GRB2: variants seen among roughly 807,000 people sequenced by gnomAD.
The protein encoded by GRB2 is growth factor receptor bound protein 2, also known as growth factor receptor-bound protein 2.
Under a neutral mutation model 27.4 loss-of-function variants are expected in GRB2, and 2 were observed. The ratio of observed to expected loss-of-function variants is 0.07; its 90% CI spans 0.03 to 0.23. GRB2 has a LOEUF of 0.23. GRB2 is among the 10% of genes least tolerant of loss of function. The probability of loss-of-function intolerance (pLI) is 1.00; values close to 1 mark genes in which losing one functional copy is unlikely to be tolerated. For missense variants in GRB2, 102 were observed against 282.4 expected, an observed-to-expected ratio of 0.36 and a Z score of 4.58; for synonymous variants, 94 against 99.6, an observed-to-expected ratio of 0.94 and a Z score of 0.33.
At chr17:75,345,209 AT>A (rs1481829376) in intron 2 of GRB2, among the ~76,000 whole-genome samples, 1 of 151,358 alleles carries the variant, frequency 6.6e-6, no homozygotes, top group South Asian at 2.1e-4. Context: ...CGCCTGGCTA[AT>A]TTTTTTTGTA....
chr17:75,321,538 C>G, intron 5 of GRB2, 121 bp downstream of exon 5: 1 of 842,538 alleles, frequency 1.2e-6, no homozygotes, highest in Non-Finnish European at 1.9e-6. Flanking sequence ...CACAGAAGCC[C>G]CAGCGGCAAT....
intron 2 of GRB2, among the ~76,000 whole-genome samples, chr17:75,360,942 T>C (rs2078776984): frequency 7.0e-6 from 1 of 142,428 alleles, no homozygotes; most frequent in Non-Finnish European, 1.5e-5. Flanking sequence ...TAATTTTAAT[T>C]TTTTTTTTGG....
chr17:75,378,223 C>T (rs942103491), intron 2 of GRB2, among the ~76,000 whole-genome samples: 1 of 152,060 alleles, frequency 6.6e-6, no homozygotes, highest in Non-Finnish European at 1.5e-5. Context: ...AACACCGTCT[C>T]TACTAAAAAT....
intron 2 of GRB2, among the ~76,000 whole-genome samples, chr17:75,339,337 G>A (rs915056860): frequency 6.6e-6 from 1 of 151,696 alleles, no homozygotes; most frequent in Non-Finnish European, 1.5e-5. Flanking sequence ...GGGACTACAG[G>A]CGCCCGCCAC....
At chr17:75,401,573 T>C (rs1027687591) in intron 1 of GRB2, among the ~76,000 whole-genome samples, 2 of 152,272 alleles carry the variant, frequency 1.3e-5, no homozygotes, top group East Asian at 3.9e-4. Context: ...AATAGGCATG[T>C]GTTACTTTTG....
chr17:75,380,552 A>G (rs2078921477), intron 2 of GRB2, among the ~76,000 whole-genome samples: 1 of 152,194 alleles, frequency 6.6e-6, no homozygotes, highest in Non-Finnish European at 1.5e-5. Flanking sequence ...GCTTAAAGCT[A>G]AACATTTGCA....
intron 2 of GRB2, among the ~76,000 whole-genome samples, chr17:75,370,170 C>T (rs531107477): frequency 6.6e-6 from 1 of 152,288 alleles, no homozygotes; most frequent in Non-Finnish European, 1.5e-5. Flanking sequence ...ATTGATGCAA[C>T]GTTCAAGCTC....
intron 1 of GRB2, among the ~76,000 whole-genome samples, chr17:75,397,718 ATATC>A (rs2079037007): frequency 1.3e-5 from 2 of 152,212 alleles, no homozygotes; most frequent in South Asian, 4.1e-4. Flanking sequence ...TAAAATGAGA[ATATC>A]TACCTTATAA....
At chr17:75,373,632 T>C (rs1030427453) in intron 2 of GRB2, 1 of 152,166 alleles carries the variant, frequency 6.6e-6, no homozygotes, top group Non-Finnish European at 1.5e-5. Context: ...TAAGTCTGTT[T>C]CATTCAGAAC....
At chr17:75,327,825 A>G (rs1385629886) in intron 3 of GRB2, among the ~76,000 whole-genome samples, 2 of 152,150 alleles carry the variant, frequency 1.3e-5, no homozygotes, top group Non-Finnish European at 2.9e-5. Context: ...GTCAGCCTCT[A>G]GGGACTCTTA....
At chr17:75,388,481 G>T (rs145451667) in intron 2 of GRB2, among the ~76,000 whole-genome samples, 685 of 151,500 alleles carry the variant, frequency 4.5e-3, no homozygotes, top group African/African-American at 0.016. Flanking sequence ...CTTACCAAAA[G>T]GCAAAGGCTG....
chr17:75,327,500 A>G (rs1051601580), intron 3 of GRB2, among the ~76,000 whole-genome samples: 2 of 151,706 alleles, frequency 1.3e-5, no homozygotes, highest in Non-Finnish European at 2.9e-5. Context: ...CTTCCCTAGT[A>G]GCTGGGATTA....
chr17:75,344,836 C>G (rs1425121051), intron 2 of GRB2, among the ~76,000 whole-genome samples: 1 of 149,228 alleles, frequency 6.7e-6, no homozygotes, highest in Non-Finnish European at 1.5e-5. Flanking sequence ...GCCTCCCCAA[C>G]CCCCCACACC....
chr17:75,323,290 C>T (rs1241388932), intron 4 of GRB2, among the ~76,000 whole-genome samples: 1 of 151,960 alleles, frequency 6.6e-6, no homozygotes, highest in East Asian at 1.9e-4. Context: ...CAAGATGCCT[C>T]GCATTTGGAA....
intron 2 of GRB2, among the ~76,000 whole-genome samples, chr17:75,338,627 G>A (rs991638083): frequency 2.6e-5 from 4 of 152,198 alleles, no homozygotes; most frequent in Non-Finnish European, 4.4e-5. Context: ...TTGATCAAGA[G>A]ATGAGATTAT....
chr17:75,326,820 T>G (rs148732065), intron 3 of GRB2, among the ~76,000 whole-genome samples: 54 of 152,306 alleles, frequency 3.5e-4, no homozygotes, highest in African/African-American at 1.3e-3. Flanking sequence ...GAGGAACACT[T>G]CTACAAGAGC....
chr17:75,327,944 A>G (rs2078510878), intron 3 of GRB2, among the ~76,000 whole-genome samples: 1 of 152,160 alleles, frequency 6.6e-6, no homozygotes, highest in African/African-American at 2.4e-5. Flanking sequence ...GCTTCTACAA[A>G]TAACTCAAGG....
chr17:75,393,511 G>C, intron 2 of GRB2, 40 bp downstream of exon 2: 1 of 1,504,548 alleles, frequency 6.6e-7, no homozygotes, highest in Non-Finnish European at 9.3e-7. Flanking sequence ...GTGAGCACAG[G>C]GAGAGCGATC....
intron 2 of GRB2, among the ~76,000 whole-genome samples, chr17:75,360,679 G>A (rs1005984164): frequency 6.6e-6 from 1 of 152,236 alleles, no homozygotes; most frequent in African/African-American, 2.4e-5. Flanking sequence ...CATGGGCCCA[G>A]CTGCTCCTGC....
Sources: allele counts gnomAD v4.1 joint callset (sites outside exome capture counted in the v4.1 genomes callset), GRCh38; gene constraint gnomAD v4.1.1; transcripts MANE v1.5; gene names NCBI Gene and HGNC (gene_info 2026-07-23, HGNC 2026-07-21).